Variants in ARHGEF38 observed in about 807,000 individuals in gnomAD.
ARHGEF38 encodes Rho guanine nucleotide exchange factor (GEF) 38.
Under a neutral mutation model 79.9 loss-of-function variants are expected in ARHGEF38, and 79 were observed. The observed-to-expected ratio is 0.99, with a 90% confidence interval of 0.82 to 1.19. ARHGEF38 has a LOEUF of 1.19. Among genes scored for constraint, ARHGEF38 ranks in the 50% most tolerant of loss-of-function variants. The probability of loss-of-function intolerance (pLI) is 0.00; values close to 1 mark genes in which losing one functional copy is unlikely to be tolerated. For missense variants in ARHGEF38, 962 were observed against 907.2 expected (o/e 1.06, Z -0.78); for synonymous variants, 366 against 328.3 (o/e 1.11, Z -1.24).
intron 13 of ARHGEF38, among the ~76,000 whole-genome samples, chr4:105,672,380 T>C (rs2110584651): frequency 1.3e-5 from 2 of 152,360 alleles, no homozygotes; most frequent in African/African-American, 4.8e-5. Context: ...AATTATATTC[T>C]GGAGCCTTTG....
chr4:105,602,733 C>A (rs1212584788), intron 2 of ARHGEF38, among the ~76,000 whole-genome samples: 3 of 152,158 alleles, frequency 2.0e-5, no homozygotes, highest in Non-Finnish European at 4.4e-5. Flanking sequence ...CAGCAAAATC[C>A]AAACTCGGCT....
At chr4:105,637,872 A>G (rs1729463216) in intron 5 of ARHGEF38, among the ~76,000 whole-genome samples, 1 of 152,146 alleles carries the variant, frequency 6.6e-6, no homozygotes, top group Non-Finnish European at 1.5e-5. Flanking sequence ...ACTTGCTGCA[A>G]TCCTGCTGTG....
At chr4:105,629,124 T>C (rs1419793174) in intron 3 of ARHGEF38, among the ~76,000 whole-genome samples, 1 of 152,140 alleles carries the variant, frequency 6.6e-6, no homozygotes, top group African/African-American at 2.4e-5. Flanking sequence ...CCCTAAAAGC[T>C]ACTAAAATTT....
intron 1 of ARHGEF38, among the ~76,000 whole-genome samples, chr4:105,556,197 C>T (rs746141675): frequency 6.6e-6 from 1 of 152,174 alleles, no homozygotes; most frequent in Non-Finnish European, 1.5e-5. Flanking sequence ...TAAAATCATA[C>T]ACATTTGGTA....
chr4:105,641,788 CT>C (rs1354040566), intron 5 of ARHGEF38, among the ~76,000 whole-genome samples: 3 of 151,008 alleles, frequency 2.0e-5, no homozygotes, highest in African/African-American at 7.3e-5. Context: ...TTTCATTGTA[CT>C]TTTTTCTTGT....
rs1727209703 is a variant in ARHGEF38 at position 105,589,337 on chromosome 4, G to C, written c.286G>C (p.Glu96Gln). The C allele has an allele frequency of 6.2e-7, 1 of 1,613,986 alleles. No individual in the cohort carries two copies. Among genetic ancestry groups the C allele is most frequent in the African/African-American group, 1.3e-5 (1 of 74,916 alleles). The change falls in exon 2 of 14, where the codon GAA becomes CAA. Residue 96 changes from glutamate (E) to glutamine (Q), a missense_variant. Physicochemically the swap from Glu to Gln is conservative, Grantham distance 29. Transcript: ENST00000420470. ...TATGAAGAGGATGATGGCAAAGCGG[G>C]AAAAGATCATTAAGGAGCTGATACA... is the stretch of plus-strand genomic sequence containing the variant. ...HHMKRMMAKR[E>Q]KIIKELIQTE... is the part of the protein sequence containing the mutation.
intron 3 of ARHGEF38, among the ~76,000 whole-genome samples, chr4:105,624,827 G>T (rs891479040): frequency 6.6e-6 from 1 of 152,172 alleles, no homozygotes; most frequent in African/African-American, 2.4e-5. Context: ...GGTGAAAGCT[G>T]CCAGGAAAGC....
chr4:105,645,352 T>G lies in ARHGEF38; in HGVS notation c.839T>G (p.Val280Gly). 6.5e-7 allele frequency: 1 copy of G among 1,528,284 alleles called. No individual in the cohort carries two copies. The highest frequency in any genetic ancestry group is 8.7e-7 in the Non-Finnish European group (1 of 1,144,930). 94.7% of individuals were successfully genotyped at this position (1,528,284 alleles called of 1,614,324 possible). A position where few individuals can be genotyped will look rare whatever the true frequency, so the allele number is the denominator to read the frequency against. The change falls in exon 6 of 14, where the codon GTT (valine) becomes GGT (glycine). Residue 280 changes from valine (V) to glycine (G), a missense_variant. Val to Gly is a moderately radical substitution (Grantham distance 109). Coordinates refer to ENST00000420470, the MANE Select transcript of ARHGEF38 (RefSeq NM_001242729.2). ...TTTGCTGCTGTGAAGGACATTAATG[T>G]TAACATCAATGAACTTAAAAGAAGG... ...DAFAAVKDIN[V>G]NINELKRRKD...
At chr4:105,576,507 T>G (rs932868496) in intron 1 of ARHGEF38, among the ~76,000 whole-genome samples, 3 of 152,128 alleles carry the variant, frequency 2.0e-5, no homozygotes, top group African/African-American at 7.2e-5. Flanking sequence ...ACTGCTGATT[T>G]GTGTACATTG....
At chr4:105,572,774 C>T (rs1726301352) in intron 1 of ARHGEF38, among the ~76,000 whole-genome samples, 1 of 152,034 alleles carries the variant, frequency 6.6e-6, no homozygotes, top group Admixed American at 6.6e-5. Flanking sequence ...ACATTTTGTT[C>T]ATCTATTTAT....
intron 2 of ARHGEF38, among the ~76,000 whole-genome samples, chr4:105,607,519 T>TG (rs142515355): frequency 0.063 from 9,548 of 152,146 alleles, 325 homozygotes; most frequent in African/African-American, 0.079. Context: ...ATAAAGGCAA[T>TG]TCTTAGAGGA....
intron 4 of ARHGEF38, 129 bp downstream of exon 4, chr4:105,631,174 G>A: frequency 7.6e-7 from 1 of 1,315,788 alleles, no homozygotes. Context: ...GCTCTGCTTT[G>A]CATTCCCTTT....
intron 1 of ARHGEF38, among the ~76,000 whole-genome samples, chr4:105,580,993 G>A (rs749145871): frequency 3.3e-4 from 50 of 152,136 alleles, no homozygotes; most frequent in Admixed American, 7.2e-4. Context: ...TTGTTTTTTG[G>A]TGGAGAGTTC....
chr4:105,655,783 C>A (rs1485107920), intron 9 of ARHGEF38, 61 bp downstream of exon 9: 2 of 1,465,288 alleles, frequency 1.4e-6, no homozygotes, highest in African/African-American at 1.4e-5. Flanking sequence ...AGGAAAGCTG[C>A]TTTTTGTTTG....
rs185876275 is a variant in ARHGEF38, at chr4:105,676,647, C to T, written c.2149-1105C>T. Among the ~76,000 whole-genome samples the T allele has an allele frequency of 3.8e-3, 571 of 152,140 alleles. 5 individuals are homozygous for T. The highest frequency in any genetic ancestry group is 6.8e-3 in the Middle Eastern group (2 of 294). On this transcript the variant is annotated intron_variant, in intron 13 of 13. Coordinates refer to ENST00000420470, the MANE Select transcript of ARHGEF38 (RefSeq NM_001242729.2). ...TAAAGACTTATTTTGGGGCTTCTTA[C>T]GCACTTAATAATTATAAATTGTTCT...
At chr4:105,612,322 T>C (rs1295290888) in intron 2 of ARHGEF38, among the ~76,000 whole-genome samples, 1 of 152,168 alleles carries the variant, frequency 6.6e-6, no homozygotes, top group Non-Finnish European at 1.5e-5. Flanking sequence ...TCTCGGCACA[T>C]TTTCTTTAAT....
chr4:105,588,894 T>A (rs1385707019), intron 1 of ARHGEF38, among the ~76,000 whole-genome samples: 1 of 152,250 alleles, frequency 6.6e-6, no homozygotes, highest in Non-Finnish European at 1.5e-5. Flanking sequence ...TAATTAAAAT[T>A]CTTCCCTTGA....
chr4:105,585,710 A>C (rs1206477622), intron 1 of ARHGEF38, among the ~76,000 whole-genome samples: 1 of 137,382 alleles, frequency 7.3e-6, no homozygotes, highest in African/African-American at 2.7e-5. Flanking sequence ...TTCTTTCCTA[A>C]ATAGCCCCTC....
intron 5 of ARHGEF38, among the ~76,000 whole-genome samples, chr4:105,642,426 G>A (rs1439187316): frequency 1.3e-5 from 2 of 152,112 alleles, no homozygotes; most frequent in Non-Finnish European, 2.9e-5. Context: ...AAATATAAAA[G>A]GGAGAGATAG....
Sources: allele counts gnomAD v4.1 joint callset (sites outside exome capture counted in the v4.1 genomes callset), GRCh38; gene constraint gnomAD v4.1.1; transcripts MANE v1.5; gene names NCBI Gene and HGNC (gene_info 2026-07-23, HGNC 2026-07-21).